PRKCH: variants seen among roughly 807,000 people sequenced by gnomAD.
PRKCH encodes protein kinase C eta.
A neutral mutation model predicts 82.5 loss-of-function variants in PRKCH; 28 were observed. The observed-to-expected ratio is 0.34, with a 90% CI of 0.25 to 0.47. The LOEUF is 0.47. PRKCH is among the 20% of genes least tolerant of loss of function. PRKCH has a pLI of 1.00. For missense variants in PRKCH, 705 were observed against 881.8 expected, an observed-to-expected ratio of 0.80 and a Z score of 2.54; for synonymous variants, 322 against 327.4, an observed-to-expected ratio of 0.98 and a Z score of 0.18.
intron 2 of PRKCH, among the ~76,000 whole-genome samples, chr14:61,414,118 C>G (rs1882430187): frequency 6.6e-6 from 1 of 152,124 alleles, no homozygotes; most frequent in Non-Finnish European, 1.5e-5. Context: ...GCCGCTGTCC[C>G]CATTCACATC....
intron 10 of PRKCH, among the ~76,000 whole-genome samples, chr14:61,500,114 TTC>T (rs1212247143): frequency 2.0e-5 from 3 of 151,394 alleles, no homozygotes; most frequent in African/African-American, 7.3e-5. Flanking sequence ...TGTCACGTTC[TTC>T]TCTTACGAAA....
intron 1 of PRKCH, among the ~76,000 whole-genome samples, chr14:61,390,171 C>T (rs545290764): frequency 1.3e-3 from 198 of 152,238 alleles, no homozygotes; most frequent in African/African-American, 4.6e-3. Context: ...GAGGGGAGTC[C>T]GCCCACCTAA....
At chr14:61,300,129 A>G (rs964869577) in intron 1 of PRKCH, among the ~76,000 whole-genome samples, 7 of 151,586 alleles carry the variant, frequency 4.6e-5, no homozygotes, top group African/African-American at 1.7e-4. Flanking sequence ...TCTCTTTTCT[A>G]TTTTTCATTT....
upstream of PRKCH, among the ~76,000 whole-genome samples, chr14:61,320,397 T>G (rs967522237): frequency 6.6e-6 from 1 of 152,032 alleles, no homozygotes; most frequent in Non-Finnish European, 1.5e-5. Context: ...GTCGGGAGTT[T>G]GAGACCAGCC....
chr14:61,240,009 T>C (rs140285427), intron 1 of PRKCH, among the ~76,000 whole-genome samples: 242 of 152,328 alleles, frequency 1.6e-3, no homozygotes, highest in African/African-American at 5.5e-3. Context: ...GCAAACCAAC[T>C]GTCCAGGAGT....
chr14:61,476,780 A>G (rs190133352), intron 9 of PRKCH, among the ~76,000 whole-genome samples: 7 of 152,320 alleles, frequency 4.6e-5, no homozygotes, highest in Admixed American at 3.9e-4. Context: ...GACAGGATGT[A>G]TCTTGCCTGT....
At chr14:61,364,904 T>C (rs553662078) in intron 1 of PRKCH, among the ~76,000 whole-genome samples, 2 of 151,720 alleles carry the variant, frequency 1.3e-5, no homozygotes, top group East Asian at 1.9e-4. Context: ...CCTAAGAGGA[T>C]AGAAGGAAGC....
intron 9 of PRKCH, among the ~76,000 whole-genome samples, chr14:61,458,167 G>A (rs75952460): frequency 0.017 from 2,572 of 152,266 alleles, 74 homozygotes; most frequent in African/African-American, 0.059. Flanking sequence ...CCTTAGCAAC[G>A]ACCCTTTGCC....
At chr14:61,210,086 A>AAAAACG (rs1253226853) in intron 1 of PRKCH, among the ~76,000 whole-genome samples, 2 of 133,554 alleles carry the variant, frequency 1.5e-5, no homozygotes, top group African/African-American at 5.7e-5. Context: ...AAACAAAAAC[A>AAAAACG]AAAAACAAAA....
chr14:61,269,110 T>A (rs1194234141), intron 1 of PRKCH, among the ~76,000 whole-genome samples: 1 of 152,224 alleles, frequency 6.6e-6, no homozygotes, highest in Non-Finnish European at 1.5e-5. Flanking sequence ...CGTGTACTTT[T>A]CCAAAGTTAG....
In PRKCH at chr14:61,345,124, G is replaced by A. The variant is rs534635750; in HGVS notation, c.363+22660G>A. 2.0e-5 allele frequency among the ~76,000 whole-genome samples: 3 copies of A among 152,240 alleles called. No individual in the cohort carries two copies. The East Asian group carries it at 5.8e-4, about 29-fold the overall frequency. On this transcript the variant is annotated intron_variant, in intron 1 of 13. Coordinates refer to ENST00000332981, the MANE Select transcript of PRKCH (RefSeq NM_006255.5). ...TTTCCACTATTTTTAGGGGTAACAA[G>A]TCTAAGATATTTACATATAAATGGC... is the stretch of plus-strand genomic sequence containing the variant.
At chr14:61,303,653 G>A (rs940041893) in intron 1 of PRKCH, 1 of 151,518 alleles carries the variant, frequency 6.6e-6, no homozygotes, top group Non-Finnish European at 1.5e-5. Context: ...CTTTTCTTTG[G>A]ACTGTTTAGT....
In PRKCH at chr14:61,377,965, G is replaced by A. The variant is rs191697194; in HGVS notation, c.364-13260G>A. 1.7e-3 allele frequency among the ~76,000 whole-genome samples: 258 copies of A among 152,262 alleles called. 3 individuals carry two copies. Among genetic ancestry groups the A allele is most frequent in the Middle Eastern group, 3.4e-3 (1 of 294 alleles). On this transcript the variant is annotated intron_variant, in intron 1 of 13. Transcript: ENST00000332981. ...GCAATCTAAGGTTACAGTTCTCTGGGTGTAGCTCTTTCTGTGTTTTGCCTC... is the reference window on the plus strand; with the variant it reads ...GCAATCTAAGGTTACAGTTCTCTGGATGTAGCTCTTTCTGTGTTTTGCCTC...
At chr14:61,530,723 T>C in intron 12 of PRKCH, 128 bp downstream of exon 12, 1 of 841,990 alleles carries the variant, frequency 1.2e-6, no homozygotes, top group Non-Finnish European at 1.7e-6. Context: ...ATTGTTCTAA[T>C]CTAAAGAATC....
At chr14:61,376,799 C>G (rs1479536477) in intron 1 of PRKCH, among the ~76,000 whole-genome samples, 1 of 152,216 alleles carries the variant, frequency 6.6e-6, no homozygotes, top group Non-Finnish European at 1.5e-5. Context: ...GCATCCAAAC[C>G]TTTCGTCCAT....
At chr14:61,450,624 TG>T (rs1220444914) in intron 5 of PRKCH, among the ~76,000 whole-genome samples, 1 of 152,248 alleles carries the variant, frequency 6.6e-6, no homozygotes, top group Non-Finnish European at 1.5e-5. Flanking sequence ...AATGATCTAA[TG>T]TGTTTCCCAC....
rs189841704 is a variant in PRKCH, at chr14:61,207,900, C to T, written c.-19+20232C>T. Among the ~76,000 whole-genome samples, 158 of 152,312 alleles carry T rather than the reference C, an allele frequency of 1.0e-3. 1 individual carries two copies. Among genetic ancestry groups the T allele is most frequent in the African/African-American group, 3.6e-3 (150 of 41,568 alleles). On this transcript the variant is annotated intron_variant, in intron 1 of 3. Coordinates refer to the PRKCH transcript ENST00000555185. ...CTTCCCATGAAACTGCCTGGCCCGG[C>T]AGCGAAGGCAGCTCCAGCCTTTGAT...
intron 1 of PRKCH, among the ~76,000 whole-genome samples, chr14:61,239,151 G>A (rs1446232849): frequency 6.6e-6 from 1 of 152,096 alleles, no homozygotes; most frequent in African/African-American, 2.4e-5. Context: ...GTTCCATAGC[G>A]AGCTGTGGAT....
intron 2 of PRKCH, among the ~76,000 whole-genome samples, chr14:61,420,224 T>A (rs1402048167): frequency 6.6e-6 from 1 of 152,170 alleles, no homozygotes; most frequent in Non-Finnish European, 1.5e-5. Flanking sequence ...CGTGTCTGTG[T>A]CTGCTCTTCT....
Sources: allele counts gnomAD v4.1 joint callset (sites outside exome capture counted in the v4.1 genomes callset), GRCh38; gene constraint gnomAD v4.1.1; transcripts MANE v1.5; gene names NCBI Gene and HGNC (gene_info 2026-07-23, HGNC 2026-07-21).